NREP: variants seen among roughly 807,000 people sequenced by gnomAD.
NREP encodes neuronal regeneration-related protein.
Under a neutral mutation model 8.6 loss-of-function variants are expected in NREP, and 5 were observed. The observed-to-expected ratio is 0.58, with a 90% CI of 0.30 to 1.22. The LOEUF (loss-of-function observed/expected upper bound fraction) is 1.22. NREP is among the 50% of genes most tolerant of loss of function. The pLI, the probability that NREP is intolerant of heterozygous loss-of-function variation, is 0.07. For missense variants in NREP, 86 were observed against 82.5 expected (o/e 1.04, Z -0.17); for synonymous variants, 27 against 28.0 (o/e 0.96, Z 0.11).
chr5:111,795,636 TC>T (rs1454656587), intron 2 of NREP, among the ~76,000 whole-genome samples: 1 of 152,234 alleles, frequency 6.6e-6, no homozygotes, highest in Non-Finnish European at 1.5e-5. Flanking sequence ...AATTCTGAAA[TC>T]CAGTCATTTT....
intron 2 of NREP, among the ~76,000 whole-genome samples, chr5:111,953,778 T>G (rs1186141097): frequency 1.3e-5 from 2 of 151,788 alleles, no homozygotes; most frequent in East Asian, 3.9e-4. Context: ...TATTGACAAA[T>G]AACAGTGAAA....
chr5:111,885,093 A>T (rs1311247989), intron 2 of NREP, among the ~76,000 whole-genome samples: 1 of 152,144 alleles, frequency 6.6e-6, no homozygotes, highest in African/African-American at 2.4e-5. Context: ...CTCAGCCCAA[A>T]ATCTCCTTAA....
chr5:111,803,766 G>A (rs1752070255), intron 2 of NREP, among the ~76,000 whole-genome samples: 1 of 152,136 alleles, frequency 6.6e-6, no homozygotes, highest in African/African-American at 2.4e-5. Flanking sequence ...ATCCCTTACA[G>A]AGAGTAGTTC....
At chr5:111,873,840 G>T (rs989167107) in intron 2 of NREP, among the ~76,000 whole-genome samples, 2 of 152,128 alleles carry the variant, frequency 1.3e-5, no homozygotes, top group African/African-American at 4.8e-5. Flanking sequence ...CCTACTACAA[G>T]GGCTGTGGGA....
chr5:111,968,752 C>G (rs1756717262), intron 2 of NREP, among the ~76,000 whole-genome samples: 1 of 152,282 alleles, frequency 6.6e-6, no homozygotes, highest in East Asian at 1.9e-4. Context: ...ACGTCTGGAT[C>G]CCAGCTTCTT....
intron 2 of NREP, among the ~76,000 whole-genome samples, chr5:111,874,761 G>C (rs1215715127): frequency 1.3e-5 from 2 of 152,050 alleles, no homozygotes; most frequent in Non-Finnish European, 2.9e-5. Context: ...GTGTTACCTT[G>C]CTTCTGGCCA....
At chr5:111,888,712 C>G (rs560027143) in intron 2 of NREP, among the ~76,000 whole-genome samples, 1 of 152,186 alleles carries the variant, frequency 6.6e-6, no homozygotes, top group East Asian at 1.9e-4. Flanking sequence ...AAAGTCTTTT[C>G]CATGCTGTCT....
At chr5:111,850,862 G>A (rs946025145) in intron 2 of NREP, among the ~76,000 whole-genome samples, 1 of 152,166 alleles carries the variant, frequency 6.6e-6, no homozygotes, top group Non-Finnish European at 1.5e-5. Context: ...AAGAATGAAG[G>A]TTTTAAAGTT....
At chr5:111,807,598 A>G (rs1228498138) in intron 2 of NREP, among the ~76,000 whole-genome samples, 1 of 152,172 alleles carries the variant, frequency 6.6e-6, no homozygotes, top group Non-Finnish European at 1.5e-5. Context: ...TCAATTTTAT[A>G]AGATAGGATT....
intron 2 of NREP, among the ~76,000 whole-genome samples, chr5:111,955,427 G>A (rs1581248854): frequency 7.3e-6 from 1 of 136,326 alleles, no homozygotes. Context: ...TGTTAGATGT[G>A]AACAACAAAT....
chr5:111,947,262 T>C (rs1463069475), intron 2 of NREP, among the ~76,000 whole-genome samples: 1 of 152,040 alleles, frequency 6.6e-6, no homozygotes, highest in Non-Finnish European at 1.5e-5. Context: ...CATACTAAAC[T>C]TGCTAGAGAA....
At chr5:111,975,517 T>C in intron 1 of NREP, 1 of 631,498 alleles carries the variant, frequency 1.6e-6, no homozygotes. Flanking sequence ...CTGGCCAGGG[T>C]ATAGGATCAG....
chr5:111,820,010 A>G (rs1022758103), intron 2 of NREP, among the ~76,000 whole-genome samples: 3 of 152,172 alleles, frequency 2.0e-5, no homozygotes, highest in African/African-American at 7.2e-5. Context: ...ATCAAACTTT[A>G]GTCAGATTTT....
upstream of NREP, chr5:111,758,274 G>A: frequency 2.0e-6 from 2 of 985,306 alleles, no homozygotes; most frequent in Non-Finnish European, 2.4e-6. Context: ...GCTGCGGCCT[G>A]GCGTGATCGG....
intron 2 of NREP, among the ~76,000 whole-genome samples, chr5:111,956,605 A>G (rs1756327403): frequency 6.6e-6 from 1 of 152,160 alleles, no homozygotes; most frequent in Non-Finnish European, 1.5e-5. Context: ...AGTAAAAACA[A>G]TATTTTTTAA....
At chr5:111,825,470 G>T (rs1260070402) in intron 2 of NREP, among the ~76,000 whole-genome samples, 2 of 152,086 alleles carry the variant, frequency 1.3e-5, no homozygotes, top group Admixed American at 6.5e-5. Context: ...TCTCTTTCTA[G>T]AATACACTAA....
intron 2 of NREP, among the ~76,000 whole-genome samples, chr5:111,736,431 C>T (rs1033109754): frequency 6.6e-5 from 10 of 152,188 alleles, no homozygotes; most frequent in African/African-American, 2.4e-4. Context: ...AGATCAGATT[C>T]TCCAAATTCT....
intron 2 of NREP, among the ~76,000 whole-genome samples, chr5:111,817,110 A>G (rs190604611): frequency 6.6e-6 from 1 of 152,306 alleles, no homozygotes; most frequent in East Asian, 1.9e-4. Flanking sequence ...AGAAACACAA[A>G]TGATTTCTGT....
At chr5:111,763,361 A>G (rs1751008754) in intron 2 of NREP, among the ~76,000 whole-genome samples, 1 of 152,242 alleles carries the variant, frequency 6.6e-6, no homozygotes, top group Admixed American at 6.5e-5. Flanking sequence ...ACATGACTCT[A>G]TAAAATATGA....
Sources: gnomAD v4.1 joint callset for allele counts (sites outside exome capture counted in the v4.1 genomes callset) on GRCh38, gnomAD v4.1.1 for gene constraint, MANE v1.5 for transcripts, NCBI Gene and HGNC (gene_info 2026-07-23, HGNC 2026-07-21) for gene names.